MAML2: variants seen among roughly 807,000 people sequenced by gnomAD.
The protein encoded by MAML2 is mastermind-like protein 2.
In MAML2, 22 loss-of-function variants were observed where a neutral mutation model predicts 96.1. The observed-to-expected ratio is 0.23, with a 90% CI of 0.16 to 0.33. The LOEUF is 0.33. MAML2 is among the 10% of genes least tolerant of loss of function. MAML2 has a pLI of 1.00. For synonymous variants in MAML2, 561 were observed against 521.3 expected (o/e 1.08, Z -1.04); for missense variants, 1,367 against 1,392.4 (o/e 0.98, Z 0.29).
At chr11:96,069,179 T>C (rs947746433) in intron 2 of MAML2, among the ~76,000 whole-genome samples, 2 of 152,076 alleles carry the variant, frequency 1.3e-5, no homozygotes, top group African/African-American at 4.8e-5. Context: ...TTTCCCACCA[T>C]GGTCTCCCAA....
intron 4 of MAML2, among the ~76,000 whole-genome samples, chr11:95,981,621 A>G (rs1857739416): frequency 6.6e-6 from 1 of 151,914 alleles, no homozygotes; most frequent in Admixed American, 6.6e-5. Context: ...TAGACTACAT[A>G]CCCCTTGAAG....
At chr11:96,304,460 G>A (rs923035841) in intron 1 of MAML2, among the ~76,000 whole-genome samples, 2 of 152,208 alleles carry the variant, frequency 1.3e-5, no homozygotes, top group Non-Finnish European at 2.9e-5. Flanking sequence ...CAGTTTGGAA[G>A]TACAGTGACA....
chr11:96,305,791 A>T (rs921340378), intron 1 of MAML2, among the ~76,000 whole-genome samples: 5 of 152,224 alleles, frequency 3.3e-5, no homozygotes, highest in African/African-American at 1.2e-4. Flanking sequence ...ATTAAGGCAG[A>T]TAAAAACATC....
At chr11:96,232,555 C>T (rs569866471) in intron 1 of MAML2, among the ~76,000 whole-genome samples, 8 of 152,102 alleles carry the variant, frequency 5.3e-5, no homozygotes, top group East Asian at 3.9e-4. Flanking sequence ...CTGCAAGCTC[C>T]GCCTCCCCGG....
chr11:96,067,035 T>C (rs1453932438), intron 2 of MAML2, among the ~76,000 whole-genome samples: 1 of 152,170 alleles, frequency 6.6e-6, no homozygotes, highest in Non-Finnish European at 1.5e-5. Context: ...GCAGATCTTG[T>C]AGGGCCTGTG....
intron 2 of MAML2, among the ~76,000 whole-genome samples, chr11:96,031,686 G>A (rs1045950988): frequency 2.6e-5 from 4 of 152,100 alleles, no homozygotes; most frequent in Non-Finnish European, 5.9e-5. Context: ...TGATTTATAC[G>A]TTAAATTACC....
At chr11:96,033,067 AAATGG>A (rs1242459038) in intron 2 of MAML2, among the ~76,000 whole-genome samples, 3 of 152,250 alleles carry the variant, frequency 2.0e-5, no homozygotes, top group African/African-American at 7.2e-5. Flanking sequence ...CTCTCCCTTG[AAATGG>A]TCTACAGCTT....
At chr11:96,275,279 T>G (rs1443290389) in intron 1 of MAML2, among the ~76,000 whole-genome samples, 1 of 139,976 alleles carries the variant, frequency 7.1e-6, no homozygotes, top group Non-Finnish European at 1.6e-5. Flanking sequence ...ATTTTTTTTT[T>G]TTTTTTTTTT....
chr11:96,299,060 A>AAAAAATATATATATATATATAT (rs55878534), intron 1 of MAML2, among the ~76,000 whole-genome samples: 4 of 56,340 alleles, frequency 7.1e-5, no homozygotes, highest in African/African-American at 2.7e-4. Context: ...AAAAAAAAAA[A>AAAAAATATATATATATATATAT]ATATATATAT....
In MAML2 at chr11:96,260,204, A is replaced by T. The variant is rs574119609; in HGVS notation, c.513+81179T>A. The stretch of plus-strand genomic sequence containing the variant: ...TGGTGTTGGGGGATGGGGTGGGGGG[A>T]AGCAAACTGGCAGACTCTAGAAGGA... On this transcript the variant is annotated intron_variant, in intron 1 of 4. Coordinates refer to ENST00000524717, the MANE Select transcript of MAML2 (RefSeq NM_032427.4). Among the ~76,000 whole-genome samples, 62 of 151,398 alleles carry T rather than the reference A, an allele frequency of 4.1e-4. 1 individual carries two copies. Among genetic ancestry groups the T allele is most frequent in the South Asian group, 8.4e-4 (4 of 4,780 alleles).
intron 2 of MAML2, among the ~76,000 whole-genome samples, chr11:96,088,649 C>A (rs528239884): frequency 6.6e-6 from 1 of 152,152 alleles, no homozygotes; most frequent in Non-Finnish European, 1.5e-5. Flanking sequence ...TTTTGTAAAA[C>A]ACCAAATAGC....
chr11:96,055,726 G>A (rs560531528), intron 2 of MAML2, among the ~76,000 whole-genome samples: 5 of 152,266 alleles, frequency 3.3e-5, no homozygotes, highest in South Asian at 2.1e-4. Flanking sequence ...ACCAAGCGCC[G>A]AACATGATTT....
chr11:96,341,630 G>A lies in MAML2; in HGVS notation c.266C>T (p.Ala89Val). The change falls in exon 1 of 5, where the codon GCT (alanine) becomes GTT (valine). Residue 89 changes from alanine to valine, a missense_variant. By Grantham distance (64) the Ala-to-Val change is moderately conservative (BLOSUM62 0). Coordinates refer to ENST00000524717, the MANE Select transcript of MAML2 (RefSeq NM_032427.4). ...GGCGGTGGCCTTGGTGTGTTTGCCA[G>A]CTTTCCTTGCCCCCTGGCCATGCTG... is the stretch of plus-strand genomic sequence containing the variant. ...LVQHGQGARK[A>V]GKHTKATATA... 1 of 1,554,180 alleles carries A rather than the reference G, an allele frequency of 6.4e-7. No individual in the cohort carries two copies. The highest frequency in any genetic ancestry group is 8.7e-7 in the Non-Finnish European group (1 of 1,148,134).
chr11:96,109,599 A>C (rs535552472), intron 1 of MAML2, among the ~76,000 whole-genome samples: 2 of 152,298 alleles, frequency 1.3e-5, no homozygotes, highest in South Asian at 4.1e-4. Flanking sequence ...AGTGTAACAG[A>C]GAGAGAGGAA....
chr11:96,235,738 T>C (rs566171752), intron 1 of MAML2, among the ~76,000 whole-genome samples: 2 of 152,356 alleles, frequency 1.3e-5, no homozygotes, highest in South Asian at 4.1e-4. Context: ...GCATCTTTCT[T>C]TTTGTAAGAT....
chr11:95,984,238 A>G (rs1399114171), intron 4 of MAML2, among the ~76,000 whole-genome samples: 1 of 152,208 alleles, frequency 6.6e-6, no homozygotes, highest in East Asian at 1.9e-4. Context: ...GTAGTGGGCT[A>G]GATCATCTAG....
intron 1 of MAML2, among the ~76,000 whole-genome samples, chr11:96,242,399 A>T (rs1862448921): frequency 6.6e-6 from 1 of 152,220 alleles, no homozygotes; most frequent in African/African-American, 2.4e-5. Context: ...ATCAGACTGA[A>T]AAATACTGGA....
At position 96,153,604 on chromosome 11, in the gene MAML2, A is replaced by C. The variant is rs544614633; in HGVS notation, c.514-60087T>G. On this transcript the variant is annotated intron_variant, in intron 1 of 4. Transcript: ENST00000524717. ...TAGTGGCCTGTGTTTCAGTTGTCTC[A>C]TCTATAAGGGAAAGTTAAAAATAGT... Among the ~76,000 whole-genome samples, 10 of 152,228 alleles carry C rather than the reference A, an allele frequency of 6.6e-5. No individual in the cohort carries two copies. The South Asian group carries it at 2.1e-3, about 32-fold the overall frequency.
At chr11:95,983,028 G>T (rs1211890332) in intron 4 of MAML2, among the ~76,000 whole-genome samples, 4 of 152,004 alleles carry the variant, frequency 2.6e-5, no homozygotes, top group African/African-American at 9.7e-5. Context: ...AATTATTTTG[G>T]AGTGTACTCC....
Sources: allele counts gnomAD v4.1 joint callset (sites outside exome capture counted in the v4.1 genomes callset), GRCh38; gene constraint gnomAD v4.1.1; transcripts MANE v1.5; gene names NCBI Gene and HGNC (gene_info 2026-07-23, HGNC 2026-07-21).